CDH4: variants seen among roughly 807,000 people sequenced by gnomAD.
The protein encoded by CDH4 is cadherin-4.
In CDH4, 33 loss-of-function variants were observed where a neutral mutation model predicts 86.0. The observed-to-expected ratio is 0.38, with a 90% CI of 0.29 to 0.51. The LOEUF is 0.51. CDH4 is among the 20% of genes least tolerant of loss of function. CDH4 has a pLI of 0.86. For synonymous variants in CDH4, 555 were observed against 549.4 expected (o/e 1.01, Z -0.14); for missense variants, 1,114 against 1,307.4 (o/e 0.85, Z 2.28).
At chr20:61,454,895 AG>A (rs1159877272) in intron 2 of CDH4, among the ~76,000 whole-genome samples, 7 of 152,298 alleles carry the variant, frequency 4.6e-5, no homozygotes, top group African/African-American at 1.7e-4. Context: ...TTCCGTGACC[AG>A]GGTAGGAAGC....
intron 2 of CDH4, among the ~76,000 whole-genome samples, chr20:61,443,958 G>T (rs200155664): frequency 1.0e-5 from 1 of 95,892 alleles, no homozygotes; most frequent in South Asian, 2.9e-4. Context: ...GTGTGTGTCT[G>T]TGTGTGTATC....
chr20:61,816,634 A>G (rs933776391), intron 4 of CDH4, among the ~76,000 whole-genome samples: 1 of 151,684 alleles, frequency 6.6e-6, no homozygotes, highest in African/African-American at 2.4e-5. Context: ...AAGCCACCCT[A>G]AGGCAGGCGG....
chr20:61,364,457 G>T (rs2084800424), intron 2 of CDH4, among the ~76,000 whole-genome samples: 1 of 152,216 alleles, frequency 6.6e-6, no homozygotes, highest in Non-Finnish European at 1.5e-5. Flanking sequence ...TACCTGGAGG[G>T]CTCCTCTGTA....
chr20:61,547,994 G>T (rs1394178998), intron 2 of CDH4, among the ~76,000 whole-genome samples: 1 of 152,176 alleles, frequency 6.6e-6, no homozygotes, highest in African/African-American at 2.4e-5. Flanking sequence ...TGAGGGGAGG[G>T]GGAGGCCTTT....
chr20:61,752,855 CG>C (rs2145956681), intron 3 of CDH4, among the ~76,000 whole-genome samples: 1 of 152,226 alleles, frequency 6.6e-6, no homozygotes, highest in Admixed American at 6.5e-5. Context: ...GAGTTACAGT[CG>C]GTTGAGGGTT....
chr20:61,324,879 C>A (rs934660410), intron 2 of CDH4, among the ~76,000 whole-genome samples: 2 of 152,166 alleles, frequency 1.3e-5, no homozygotes, highest in Admixed American at 6.5e-5. Flanking sequence ...AGCTTTGGGA[C>A]ATGGAACTCG....
At chr20:61,270,174 C>T (rs912275881) in intron 2 of CDH4, among the ~76,000 whole-genome samples, 3 of 152,156 alleles carry the variant, frequency 2.0e-5, no homozygotes, top group Non-Finnish European at 2.9e-5. Context: ...GGGAGAGAGG[C>T]GGCAGTGAAC....
At chr20:61,410,517 C>T (rs56310903) in intron 2 of CDH4, among the ~76,000 whole-genome samples, 2 of 136,490 alleles carry the variant, frequency 1.5e-5, no homozygotes, top group African/African-American at 2.5e-5. Flanking sequence ...ATCCAGTCAT[C>T]CATCCATTCA....
chr20:61,759,925 G>C (rs1335685539), intron 3 of CDH4, among the ~76,000 whole-genome samples: 1 of 152,144 alleles, frequency 6.6e-6, no homozygotes, highest in Non-Finnish European at 1.5e-5. Flanking sequence ...TGCCGAGGTT[G>C]AGAAACCTGG....
intron 2 of CDH4, among the ~76,000 whole-genome samples, chr20:61,592,462 C>T (rs1467732646): frequency 6.9e-6 from 1 of 145,664 alleles, no homozygotes; most frequent in Non-Finnish European, 1.5e-5. Context: ...GGTTGAAATA[C>T]AATTCATATG....
In CDH4 at chr20:61,361,732, G is replaced by A. The variant is rs1183208533; in HGVS notation, c.169+106795G>A. Among the ~76,000 whole-genome samples the A allele has an allele frequency of 5.3e-5, 8 of 152,326 alleles. No individual in the cohort carries two copies. The East Asian group carries it at 1.5e-3, about 29-fold the overall frequency. ...AGCCCGAGTCAGGAAAGCGGTGCAG[G>A]CATGAAGCCAGGGCAATGAGGCTTT... On this transcript the variant is annotated intron_variant, in intron 2 of 15. Coordinates refer to ENST00000614565, the MANE Select transcript of CDH4 (RefSeq NM_001794.5).
At chr20:61,685,995 T>C (rs2145864420) in intron 2 of CDH4, among the ~76,000 whole-genome samples, 1 of 152,386 alleles carries the variant, frequency 6.6e-6, no homozygotes, top group Admixed American at 6.5e-5. Context: ...TGTGCAGTTC[T>C]TGAAGATCTC....
chr20:61,811,260 T>G lies in CDH4; in HGVS notation c.577-33408T>G, dbSNP rs1294810476. ...GAGGAAACATCCAAACGGCTTGAAC[T>G]TTGGCAAGGAGCTTTTCCTGAAAGC... On this transcript the variant is annotated intron_variant, in intron 4 of 15. Coordinates refer to ENST00000614565, the MANE Select transcript of CDH4 (RefSeq NM_001794.5). The surrounding 1 kb of genome is among the most constrained non-coding windows in gnomAD (Gnocchi z 4.4). 6.6e-6 allele frequency among the ~76,000 whole-genome samples: 1 copy of G among 152,182 alleles called. No homozygotes were observed. The highest frequency in any genetic ancestry group is 1.5e-5 in the Non-Finnish European group (1 of 68,046).
chr20:61,289,703 G>A (rs972094909), intron 2 of CDH4, among the ~76,000 whole-genome samples: 26 of 150,116 alleles, frequency 1.7e-4, no homozygotes, highest in Admixed American at 7.3e-4. Context: ...CGTATCCAAC[G>A]AGACTTGCTG....
rs190880026 is a variant in CDH4, at chr20:61,510,881, T to G, written c.170-232682T>G. On this transcript the variant is annotated intron_variant, in intron 2 of 15. Transcript: ENST00000614565. The surrounding 1 kb of genome is among the most constrained non-coding windows in gnomAD (Gnocchi z 4.2). ...AGCTTCTAGGGTGGCCTCAGGAAGC[T>G]GACAATGGTGGGGGAAGGTGAGGGG... 1.5e-5 allele frequency among the ~76,000 whole-genome samples: 2 copies of G among 137,136 alleles called. No homozygotes were observed. The highest frequency in any genetic ancestry group is 5.6e-5 in the African/African-American group (2 of 35,740). 90.0% of individuals were successfully genotyped at this position (137,136 alleles called of 152,430 possible).
chr20:61,891,608 G>T (rs976453904), intron 7 of CDH4, among the ~76,000 whole-genome samples: 3 of 152,238 alleles, frequency 2.0e-5, no homozygotes, highest in South Asian at 2.1e-4. Context: ...AGGGCTGCAT[G>T]ATGAGGCACA....
At chr20:61,545,279 A>G (rs748086679) in intron 2 of CDH4, among the ~76,000 whole-genome samples, 1 of 152,238 alleles carries the variant, frequency 6.6e-6, no homozygotes, top group Non-Finnish European at 1.5e-5. Context: ...AGCTGTGGCC[A>G]TGTCCAACAT....
chr20:61,258,619 A>G (rs973112378), intron 2 of CDH4, among the ~76,000 whole-genome samples: 1 of 152,216 alleles, frequency 6.6e-6, no homozygotes, highest in African/African-American at 2.4e-5. Flanking sequence ...CAATTCACAT[A>G]ATCTTAAATA....
intron 2 of CDH4, among the ~76,000 whole-genome samples, chr20:61,466,832 C>A (rs1056903315): frequency 7.6e-6 from 1 of 130,792 alleles, no homozygotes; most frequent in Admixed American, 9.7e-5. Flanking sequence ...GCCTGGGTGA[C>A]AAAGTGAGAC....
Sources: gnomAD v4.1 joint callset for allele counts (sites outside exome capture counted in the v4.1 genomes callset) on GRCh38, gnomAD v4.1.1 for gene constraint, Gnocchi (gnomAD v3.1) non-coding constraint, MANE v1.5 for transcripts, NCBI Gene and HGNC (gene_info 2026-07-23, HGNC 2026-07-21) for gene names.